The following TGIF1 variants were observed in gnomAD, a reference collection of about 807,000 sequenced individuals.
TGIF1 encodes homeobox protein TGIF1.
In TGIF1, 4 loss-of-function variants were observed where a neutral mutation model predicts 19.3. That is an observed-to-expected ratio of 0.21 (90% CI 0.10 to 0.47). The LOEUF (loss-of-function observed/expected upper bound fraction) is 0.47, where lower values mean the gene tolerates loss of function less well. TGIF1 is among the 20% of genes least tolerant of loss of function. The pLI is 0.98. For missense variants in TGIF1, 275 were observed against 341.4 expected, an observed-to-expected ratio of 0.81 and a Z score of 1.53; for synonymous variants, 122 against 129.3, an observed-to-expected ratio of 0.94 and a Z score of 0.38.
intron 2 of TGIF1, among the ~76,000 whole-genome samples, chr18:3,439,902 T>C (rs571427514): frequency 6.6e-6 from 1 of 151,800 alleles, no homozygotes; most frequent in Non-Finnish European, 1.5e-5. Flanking sequence ...GCGCCTTTGG[T>C]CCCAGCTATT....
intron 2 of TGIF1, among the ~76,000 whole-genome samples, chr18:3,438,448 A>G (rs2143224045): frequency 6.6e-6 from 1 of 152,184 alleles, no homozygotes; most frequent in South Asian, 2.1e-4. Flanking sequence ...AAAGGTCAGA[A>G]TGTTATGTTT....
chr18:3,432,277 C>T (rs2082559279), intron 2 of TGIF1, among the ~76,000 whole-genome samples: 1 of 152,158 alleles, frequency 6.6e-6, no homozygotes, highest in Non-Finnish European at 1.5e-5. Flanking sequence ...CAGGACTTTA[C>T]TTTCAAAAAT....
chr18:3,451,923 G>T lies in TGIF1; in HGVS notation c.16+1418G>T. 1 of 1,534,054 alleles carries T rather than the reference G, an allele frequency of 6.5e-7. No homozygotes were observed. ...GGAGGACTGACAGGTCTAGAGACACGCGCTGTCTGTTGTGGTGGGCCTCCC... is the reference window on the plus strand; with the variant it reads ...GGAGGACTGACAGGTCTAGAGACACTCGCTGTCTGTTGTGGTGGGCCTCCC... On this transcript the variant is annotated intron_variant, in intron 1 of 2. Coordinates refer to ENST00000343820, the MANE Select transcript of TGIF1 (RefSeq NM_003244.4). The surrounding 1 kb of genome is among the most constrained non-coding windows in gnomAD (Gnocchi z 5.4).
chr18:3,413,612 G>A (rs1026568192), intron 1 of TGIF1, among the ~76,000 whole-genome samples: 7 of 151,934 alleles, frequency 4.6e-5, no homozygotes, highest in Non-Finnish European at 8.8e-5. Flanking sequence ...GCCAACGCCT[G>A]TAATCCTAGC....
At chr18:3,421,484 C>T (rs2082396635) in intron 2 of TGIF1, among the ~76,000 whole-genome samples, 1 of 151,130 alleles carries the variant, frequency 6.6e-6, no homozygotes, top group African/African-American at 2.4e-5. Context: ...TTGATCTTGG[C>T]TCACCGCAAC....
upstream of TGIF1, among the ~76,000 whole-genome samples, chr18:3,449,159 T>C (rs2082817637): frequency 6.6e-6 from 1 of 152,164 alleles, no homozygotes; most frequent in Non-Finnish European, 1.5e-5. Context: ...CTCCTAACTG[T>C]GGACCAAAAT....
intron 1 of TGIF1, among the ~76,000 whole-genome samples, chr18:3,454,209 C>T (rs1334750115): frequency 6.6e-6 from 1 of 152,130 alleles, no homozygotes; most frequent in African/African-American, 2.4e-5. Context: ...TAACTGAAAC[C>T]TGCTTTTGTG....
intron 2 of TGIF1, among the ~76,000 whole-genome samples, chr18:3,429,527 G>C (rs755541006): frequency 2.0e-5 from 3 of 152,092 alleles, no homozygotes; most frequent in Non-Finnish European, 4.4e-5. Flanking sequence ...ATTTAATTTG[G>C]AAAATCTCTC....
intron 1 of TGIF1, among the ~76,000 whole-genome samples, chr18:3,416,005 C>A (rs2082327613): frequency 6.6e-6 from 1 of 152,108 alleles, no homozygotes; most frequent in Non-Finnish European, 1.5e-5. Flanking sequence ...AGAACAATAA[C>A]AATATAAAGG....
At chr18:3,426,272 G>T (rs1421761987) in intron 2 of TGIF1, among the ~76,000 whole-genome samples, 1 of 149,462 alleles carries the variant, frequency 6.7e-6, no homozygotes, top group Non-Finnish European at 1.5e-5. Context: ...GGGCTCAAGT[G>T]ATTCTCACAC....
upstream of TGIF1, among the ~76,000 whole-genome samples, chr18:3,446,476 GC>G (rs1404278818): frequency 6.6e-6 from 1 of 152,182 alleles, no homozygotes; most frequent in African/African-American, 2.4e-5. Context: ...GAGCCACAGC[GC>G]CCTGCCTATC....
At chr18:3,436,258 TA>T in intron 2 of TGIF1, among the ~76,000 whole-genome samples, 1 of 152,284 alleles carries the variant, frequency 6.6e-6, no homozygotes, top group Admixed American at 6.5e-5. Context: ...TTTATGATGA[TA>T]AAAGTAAGAC....
chr18:3,419,960 C>T (rs1422516269), intron 2 of TGIF1, among the ~76,000 whole-genome samples: 3 of 151,498 alleles, frequency 2.0e-5, no homozygotes, highest in African/African-American at 4.9e-5. Context: ...GAACTGAGAT[C>T]GTGCCATTGC....
chr18:3,434,739 T>C (rs2082593516), intron 2 of TGIF1, among the ~76,000 whole-genome samples: 1 of 151,828 alleles, frequency 6.6e-6, no homozygotes, highest in African/African-American at 2.4e-5. Flanking sequence ...TAAGTAAATA[T>C]AGTTATGAGC....
chr18:3,438,596 A>AACACACACAC (rs56864804), intron 2 of TGIF1, among the ~76,000 whole-genome samples: 5,628 of 136,020 alleles, frequency 0.041, 349 homozygotes, highest in African/African-American at 0.13. Flanking sequence ...CATACACACA[A>AACACACACAC]ACACACACAC....
intron 2 of TGIF1, among the ~76,000 whole-genome samples, chr18:3,424,819 G>A (rs1420172915): frequency 6.6e-6 from 1 of 152,210 alleles, no homozygotes; most frequent in African/African-American, 2.4e-5. Flanking sequence ...TGGAGGTGCT[G>A]GGAGGGTGAT....
intron 2 of TGIF1, among the ~76,000 whole-genome samples, chr18:3,422,390 G>A (rs1280368573): frequency 6.6e-6 from 1 of 150,630 alleles, no homozygotes; most frequent in Admixed American, 6.6e-5. Context: ...TGTACAGTGT[G>A]CTTGTTTTTA....
intron 2 of TGIF1, among the ~76,000 whole-genome samples, chr18:3,425,660 C>CA (rs2082457540): frequency 6.6e-6 from 1 of 152,236 alleles, no homozygotes; most frequent in East Asian, 1.9e-4. Flanking sequence ...CCTATGATTG[C>CA]ATCCCCAGCC....
chr18:3,434,309 G>T (rs1047380047), intron 2 of TGIF1, among the ~76,000 whole-genome samples: 8 of 152,146 alleles, frequency 5.3e-5, no homozygotes, highest in African/African-American at 1.7e-4. Flanking sequence ...GGCTGAGATG[G>T]GTGGATCACC....
Sources: gnomAD v4.1 joint callset for allele counts (sites outside exome capture counted in the v4.1 genomes callset) on GRCh38, gnomAD v4.1.1 for gene constraint, Gnocchi (gnomAD v3.1) non-coding constraint, MANE v1.5 for transcripts, NCBI Gene and HGNC (gene_info 2026-07-23, HGNC 2026-07-21) for gene names.